LARP4B: variants seen among roughly 807,000 people sequenced by gnomAD.
LARP4B encodes la-related protein 4B.
In LARP4B, 12 loss-of-function variants were observed where a neutral mutation model predicts 89.8. The observed-to-expected ratio is 0.13, with a 90% CI of 0.09 to 0.22. The LOEUF is 0.22. LARP4B is among the 10% of genes least tolerant of loss of function. LARP4B has a pLI of 1.00. For missense variants in LARP4B, 757 were observed against 947.7 expected, an observed-to-expected ratio of 0.80 and a Z score of 2.64; for synonymous variants, 367 against 363.3, an observed-to-expected ratio of 1.01 and a Z score of -0.12.
chr10:960,531 ACC>A, the LARP4B span, among the ~76,000 whole-genome samples: 1 of 151,666 alleles, frequency 6.6e-6, no homozygotes, highest in Admixed American at 6.6e-5. Context: ...ACGTGGTGAA[ACC>A]CCATCTCTAC....
chr10:860,513 C>G (rs1834544653), intron 5 of LARP4B, among the ~76,000 whole-genome samples: 1 of 152,206 alleles, frequency 6.6e-6, no homozygotes, highest in African/African-American at 2.4e-5. Flanking sequence ...TATATGAAAT[C>G]TTGCTGACAA....
At chr10:816,449 G>A (rs2131600958) in intron 15 of LARP4B, among the ~76,000 whole-genome samples, 1 of 152,294 alleles carries the variant, frequency 6.6e-6, no homozygotes, top group South Asian at 2.1e-4. Context: ...CAGCAATGGA[G>A]CCCACTACAC....
At chr10:979,091 TTCTG>T in the LARP4B span, among the ~76,000 whole-genome samples, 6 of 152,220 alleles carry the variant, frequency 3.9e-5, no homozygotes, top group African/African-American at 1.4e-4. Flanking sequence ...GTATTCTGCA[TTCTG>T]TCTATGATTT....
At chr10:939,313 G>A in the LARP4B span, among the ~76,000 whole-genome samples, 6 of 152,220 alleles carry the variant, frequency 3.9e-5, no homozygotes, top group African/African-American at 1.4e-4. Context: ...CAAGGGTGAG[G>A]CCTGTTAGGA....
At chr10:856,470 C>T (rs988119133) in intron 5 of LARP4B, among the ~76,000 whole-genome samples, 3 of 152,222 alleles carry the variant, frequency 2.0e-5, no homozygotes, top group Non-Finnish European at 2.9e-5. Flanking sequence ...ACAAGGCAAA[C>T]AACTGCTGCC....
chr10:968,264 G>C, the LARP4B span, among the ~76,000 whole-genome samples: 2 of 152,156 alleles, frequency 1.3e-5, no homozygotes, highest in Non-Finnish European at 2.9e-5. Flanking sequence ...TGATAAAAAG[G>C]CTTTCCCAGC....
chr10:828,531 T>C (rs1488725662), intron 11 of LARP4B, among the ~76,000 whole-genome samples: 1 of 152,202 alleles, frequency 6.6e-6, no homozygotes, highest in African/African-American at 2.4e-5. Flanking sequence ...TCAGGGTGCC[T>C]GGCTCCCAGC....
chr10:860,848 C>T (rs1484075930), intron 5 of LARP4B, among the ~76,000 whole-genome samples: 2 of 151,962 alleles, frequency 1.3e-5, no homozygotes, highest in South Asian at 2.1e-4. Flanking sequence ...CGCAAACTGA[C>T]ATATAGTGAT....
At chr10:937,660 C>T in the LARP4B span, among the ~76,000 whole-genome samples, 8 of 151,980 alleles carry the variant, frequency 5.3e-5, no homozygotes, top group Admixed American at 2.0e-4. Context: ...AAACTTATCA[C>T]GAGGAACAAT....
chr10:825,590 T>C (rs1451370218), intron 12 of LARP4B, among the ~76,000 whole-genome samples, 174 bp downstream of exon 12: 1 of 152,244 alleles, frequency 6.6e-6, no homozygotes, highest in Non-Finnish European at 1.5e-5. Context: ...TCTCAGAGAA[T>C]CTGAGGCGGG....
chr10:858,983 C>A (rs1205860647), intron 5 of LARP4B, among the ~76,000 whole-genome samples: 1 of 151,900 alleles, frequency 6.6e-6, no homozygotes, highest in East Asian at 1.9e-4. Flanking sequence ...TGAACCCTGT[C>A]TCTACAAAAA....
chr10:979,696 A>T, the LARP4B span, among the ~76,000 whole-genome samples: 1 of 152,140 alleles, frequency 6.6e-6, no homozygotes, highest in African/African-American at 2.4e-5. Flanking sequence ...CTTCAGCCAG[A>T]TGCGGTGGCT....
intron 15 of LARP4B, chr10:815,483 C>G (rs1022121549): frequency 6.5e-6 from 1 of 153,420 alleles, no homozygotes; most frequent in African/African-American, 2.4e-5. Context: ...TGAGAAAAAA[C>G]AATCGGCGCC....
chr10:863,079 A>G (rs1834706111), intron 5 of LARP4B, among the ~76,000 whole-genome samples: 1 of 152,198 alleles, frequency 6.6e-6, no homozygotes, highest in Admixed American at 6.5e-5. Context: ...AAGACTTGCA[A>G]ATGGGGCCTC....
chr10:987,343 G>A, the LARP4B span: 10 of 152,250 alleles, frequency 6.6e-5, no homozygotes, highest in African/African-American at 1.7e-4. Flanking sequence ...ATTTATGAGA[G>A]GTATTTTCGC....
At chr10:867,769 G>A (rs942633856) in intron 3 of LARP4B, among the ~76,000 whole-genome samples, 1 of 148,970 alleles carries the variant, frequency 6.7e-6, no homozygotes, top group Non-Finnish European at 1.5e-5. Context: ...GCTGAGGCAG[G>A]AGAATCATTT....
At chr10:931,229 G>A (rs1014039117) in intron 1 of LARP4B, among the ~76,000 whole-genome samples, 199 bp downstream of exon 1, 13 of 147,380 alleles carry the variant, frequency 8.8e-5, no homozygotes, top group Non-Finnish European at 1.2e-4. Context: ...CCTCAGCCCT[G>A]GCCCTTCCCG....
intron 3 of LARP4B, among the ~76,000 whole-genome samples, chr10:872,146 G>T (rs372870081): frequency 2.0e-5 from 3 of 152,308 alleles, no homozygotes; most frequent in African/African-American, 7.2e-5. Context: ...TACTTTCTGC[G>T]TAATTTTTAG....
At chr10:861,490 T>C (rs1208660706) in intron 5 of LARP4B, among the ~76,000 whole-genome samples, 5 of 147,068 alleles carry the variant, frequency 3.4e-5, no homozygotes, top group African/African-American at 1.2e-4. Flanking sequence ...GCAGAAGGTA[T>C]TCTTTTTCTT....
Sources: gnomAD v4.1 joint callset for allele counts (sites outside exome capture counted in the v4.1 genomes callset) on GRCh38, gnomAD v4.1.1 for gene constraint, MANE v1.5 for transcripts, NCBI Gene and HGNC (gene_info 2026-07-23, HGNC 2026-07-21) for gene names.